WWP2: variants seen among roughly 807,000 people sequenced by gnomAD.
WWP2 encodes WW domain containing E3 ubiquitin protein ligase 2.
In WWP2, 57 loss-of-function variants were observed where a neutral mutation model predicts 121.0. That is an observed-to-expected ratio of 0.47 (90% CI 0.38 to 0.59). WWP2 has a LOEUF of 0.59. Among genes scored for constraint, WWP2 ranks in the 20% least tolerant of loss-of-function variants. WWP2 has a pLI of 0.00. For synonymous variants in WWP2, 449 were observed against 441.3 expected, an observed-to-expected ratio of 1.02 and a Z score of -0.22; for missense variants, 962 against 1,158.9, an observed-to-expected ratio of 0.83 and a Z score of 2.47.
intron 16 of WWP2, chr16:69,933,291 G>A: frequency 2.7e-6 from 1 of 366,756 alleles, no homozygotes; most frequent in East Asian, 7.5e-5. Flanking sequence ...AAAGGACTCT[G>A]AATTCATGCC....
At chr16:69,917,417 C>T (rs751874497) in intron 9 of WWP2, among the ~76,000 whole-genome samples, 9 of 152,218 alleles carry the variant, frequency 5.9e-5, no homozygotes, top group Non-Finnish European at 1.2e-4. Context: ...GTGGCTGGCT[C>T]AACATACATC....
intron 1 of WWP2, among the ~76,000 whole-genome samples, chr16:69,768,550 C>A (rs1390488328): frequency 6.6e-6 from 1 of 152,154 alleles, no homozygotes; most frequent in African/African-American, 2.4e-5. Flanking sequence ...GCGGAGGTTG[C>A]AGTGAGCCGA....
At chr16:69,821,291 G>A (rs1436001572) in intron 4 of WWP2, among the ~76,000 whole-genome samples, 1 of 152,120 alleles carries the variant, frequency 6.6e-6, no homozygotes, top group Non-Finnish European at 1.5e-5. Flanking sequence ...TTGCAGCCGG[G>A]GCCCTTTTCC....
At chr16:69,924,054 C>T (rs1450822388) in intron 10 of WWP2, among the ~76,000 whole-genome samples, 4 of 152,230 alleles carry the variant, frequency 2.6e-5, no homozygotes, top group Non-Finnish European at 5.9e-5. Flanking sequence ...CTTCCCCCAC[C>T]TCCGTGCACT....
Position 69,918,161 on chromosome 16 carries a change from C to CCA in WWP2, c.1179+279_1179+280insAC, listed in dbSNP as rs374377851. 5.8e-4 allele frequency among the ~76,000 whole-genome samples: 88 copies of CCA among 152,316 alleles called. 2 individuals carry two copies. Among genetic ancestry groups the CCA allele is most frequent in the African/African-American group, 1.9e-3 (80 of 41,566 alleles). ...CCGAGATCGGCTTTCATTTCTGCCC[C>CCA]CTTCATTCAAGTCCATTTTCCCTGA... On this transcript the variant is annotated intron_variant, in intron 10 of 23. Coordinates refer to ENST00000359154, the MANE Select transcript of WWP2 (RefSeq NM_001270454.2).
In WWP2 at chr16:69,888,028, T is replaced by C. The variant is rs2057955151; in HGVS notation, c.704-11T>C. On this transcript the variant is annotated splice_polypyrimidine_tract_variant and intron_variant, in intron 7 of 23. Coordinates refer to ENST00000359154, the MANE Select transcript of WWP2 (RefSeq NM_001270454.2). ...TAGTTGATCTTTAAAGTATGATTTG[T>C]GCATCTTCAGTGAATGATGAACCCA... 6.8e-6 allele frequency: 11 copies of C among 1,613,874 alleles called. No homozygotes were observed. In the East Asian group the frequency reaches 1.1e-4, roughly 16 times the overall value.
chr16:69,764,755 A>G (rs2038692593), intron 1 of WWP2, among the ~76,000 whole-genome samples: 2 of 152,252 alleles, frequency 1.3e-5, no homozygotes, highest in Non-Finnish European at 2.9e-5. Context: ...CACTGGAGCT[A>G]TGCTGTGAGC....
At chr16:69,836,274 G>A (rs1567694142) in intron 4 of WWP2, among the ~76,000 whole-genome samples, 1 of 145,252 alleles carries the variant, frequency 6.9e-6, no homozygotes, top group African/African-American at 2.6e-5. Flanking sequence ...AGATCTAGAA[G>A]AGTCTCCATC....
chr16:69,819,283 C>T (rs2056551320), intron 4 of WWP2, among the ~76,000 whole-genome samples: 1 of 152,224 alleles, frequency 6.6e-6, no homozygotes, highest in South Asian at 2.1e-4. Context: ...AACCAGAAGT[C>T]AAATTGTATT....
intron 4 of WWP2, among the ~76,000 whole-genome samples, chr16:69,831,429 T>G (rs2151859306): frequency 6.6e-6 from 1 of 152,308 alleles, no homozygotes; most frequent in South Asian, 2.1e-4. Flanking sequence ...AGTAGCATGG[T>G]CTGGCAGTTA....
intron 16 of WWP2, among the ~76,000 whole-genome samples, chr16:69,933,706 T>C (rs1225392464): frequency 6.6e-6 from 1 of 152,120 alleles, no homozygotes; most frequent in East Asian, 1.9e-4. Flanking sequence ...TTGGAACACA[T>C]CACCTGGGAG....
intron 4 of WWP2, among the ~76,000 whole-genome samples, chr16:69,820,299 G>A (rs1371907528): frequency 6.6e-6 from 1 of 152,174 alleles, no homozygotes; most frequent in African/African-American, 2.4e-5. Context: ...CTGGAGTGCA[G>A]TGGTGCATCT....
chr16:69,825,447 C>CA (rs2056669256), intron 4 of WWP2, among the ~76,000 whole-genome samples: 1 of 151,270 alleles, frequency 6.6e-6, no homozygotes, highest in Non-Finnish European at 1.5e-5. Flanking sequence ...CCCCAAAAAC[C>CA]AAAAAACTAA....
At chr16:69,888,437 C>T (rs959080821) in intron 8 of WWP2, among the ~76,000 whole-genome samples, 188 bp downstream of exon 8, 5 of 152,132 alleles carry the variant, frequency 3.3e-5, no homozygotes, top group African/African-American at 9.7e-5. Context: ...GAATCTCAGT[C>T]GCCTGGGGCA....
chr16:69,828,897 G>C (rs1255519746), intron 4 of WWP2, among the ~76,000 whole-genome samples: 1 of 152,024 alleles, frequency 6.6e-6, no homozygotes, highest in Admixed American at 6.6e-5. Context: ...TCACTTCTGA[G>C]CTCTCTTCCC....
chr16:69,819,029 G>A (rs1207238543), intron 4 of WWP2, among the ~76,000 whole-genome samples: 1 of 152,140 alleles, frequency 6.6e-6, no homozygotes, highest in East Asian at 1.9e-4. Flanking sequence ...TGACAATTCT[G>A]TGTCACTCAG....
intron 4 of WWP2, among the ~76,000 whole-genome samples, chr16:69,833,074 G>C (rs113272582): frequency 3.3e-5 from 5 of 151,752 alleles, no homozygotes; most frequent in African/African-American, 1.2e-4. Flanking sequence ...GCCCAGGCTG[G>C]TCTCAAACTC....
At position 69,937,610 on chromosome 16, in the gene WWP2, G is replaced by T. The variant is rs1567447890; in HGVS notation, c.2301G>T (p.Arg767=). The T allele has an allele frequency of 6.2e-7, 1 of 1,613,992 alleles. No homozygotes were observed. Among genetic ancestry groups the T allele is most frequent in the South Asian group, 1.1e-5 (1 of 91,046 alleles). Residue 767 remains arginine, a synonymous_variant, in exon 21 of 24, where the codon CGG becomes CGT. Transcript: ENST00000359154. The surrounding 1 kb of genome is among the most constrained non-coding windows in gnomAD (Gnocchi z 6.6). ...ACTGGCAGAAGAGCACCATCTACCGGCACTACACCAAGAACAGCAAGCAGA... is the reference window on the plus strand; with the variant it reads ...ACTGGCAGAAGAGCACCATCTACCGTCACTACACCAAGAACAGCAAGCAGA... The part of the protein sequence containing the change: ...MSDWQKSTIY[R]HYTKNSKQIQ...
intron 8 of WWP2, among the ~76,000 whole-genome samples, chr16:69,901,722 C>T (rs1384365240): frequency 1.3e-5 from 2 of 152,148 alleles, no homozygotes; most frequent in Non-Finnish European, 2.9e-5. Flanking sequence ...ATAATACAAG[C>T]TGATAATGCT....
Sources: gnomAD v4.1 joint callset for allele counts (sites outside exome capture counted in the v4.1 genomes callset) on GRCh38, gnomAD v4.1.1 for gene constraint, Gnocchi (gnomAD v3.1) non-coding constraint, MANE v1.5 for transcripts, NCBI Gene and HGNC (gene_info 2026-07-23, HGNC 2026-07-21) for gene names.